Variants in CTIF observed in about 807,000 individuals in gnomAD.
The protein encoded by CTIF is cap binding complex dependent translation initiation factor.
CTIF carries 21 observed loss-of-function variants against 66.0 expected under a neutral mutation model. That is an observed-to-expected ratio of 0.32 (90% CI 0.23 to 0.46). The LOEUF is 0.46. CTIF is among the 20% of genes least tolerant of loss of function. The probability of loss-of-function intolerance (pLI) is 1.00; values close to 1 mark genes in which losing one functional copy is unlikely to be tolerated. For missense variants in CTIF, 739 were observed against 812.7 expected (o/e 0.91, Z 1.10); for synonymous variants, 345 against 326.4 (o/e 1.06, Z -0.62).
At chr18:48,591,581 A>G (rs912262347) in intron 1 of CTIF, among the ~76,000 whole-genome samples, 2 of 152,236 alleles carry the variant, frequency 1.3e-5, no homozygotes, top group Admixed American at 1.3e-4. Flanking sequence ...CTTAGCTCCC[A>G]GTAGCCACTC....
intron 3 of CTIF, among the ~76,000 whole-genome samples, chr18:48,650,582 T>C (rs1459334763): frequency 6.6e-6 from 1 of 152,166 alleles, no homozygotes; most frequent in Non-Finnish European, 1.5e-5. Flanking sequence ...TTCCCCAACC[T>C]AGCAAGGCAG....
Position 48,843,543 on chromosome 18 carries a change from C to G in CTIF, c.1528-14045C>G, listed in dbSNP as rs2146564003. On this transcript the variant is annotated intron_variant, in intron 10 of 11. Coordinates refer to ENST00000256413, the MANE Select transcript of CTIF (RefSeq NM_014772.3). ...CCCAGCCCCTAGATGGCCCTGAGGCCCCATTTATAATGGGGGCCCTGAGGC... is the reference window on the plus strand; with the variant it reads ...CCCAGCCCCTAGATGGCCCTGAGGCGCCATTTATAATGGGGGCCCTGAGGC... 2.0e-5 allele frequency among the ~76,000 whole-genome samples: 3 copies of G among 152,204 alleles called. No homozygotes were observed. The South Asian group carries it at 6.2e-4, about 32-fold the overall frequency.
At chr18:48,769,059 G>T (rs1030864359) in intron 9 of CTIF, among the ~76,000 whole-genome samples, 4 of 152,034 alleles carry the variant, frequency 2.6e-5, no homozygotes, top group African/African-American at 9.7e-5. Context: ...CTCTCCATTC[G>T]CCCTAGTCCC....
chr18:48,793,668 G>A (rs973599926), intron 9 of CTIF, among the ~76,000 whole-genome samples: 18 of 152,198 alleles, frequency 1.2e-4, no homozygotes, highest in Middle Eastern at 3.4e-3. Context: ...TTAACAATTA[G>A]CCCAGCTCAA....
chr18:48,821,273 G>A (rs1441442217), intron 10 of CTIF, among the ~76,000 whole-genome samples: 5 of 152,322 alleles, frequency 3.3e-5, no homozygotes, highest in East Asian at 3.9e-4. Context: ...GTTCAGTAAC[G>A]GTAGCAGCAC....
rs141937093 is a variant in CTIF, at chr18:48,838,436, G to A, written c.1528-19152G>A. ...GCCGCCTGGAAGATGTCTCACCTGG[G>A]TCCTTGCACAGGCAGATACTGGAGA... On this transcript the variant is annotated intron_variant, in intron 10 of 11. Coordinates refer to ENST00000256413, the MANE Select transcript of CTIF (RefSeq NM_014772.3). Among the ~76,000 whole-genome samples the A allele has an allele frequency of 2.3e-3, 357 of 152,228 alleles. 2 individuals carry two copies. The highest frequency in any genetic ancestry group is 8.2e-3 in the African/African-American group (341 of 41,532).
chr18:48,782,515 C>T (rs1435200249), intron 9 of CTIF, among the ~76,000 whole-genome samples: 2 of 152,194 alleles, frequency 1.3e-5, no homozygotes, highest in African/African-American at 4.8e-5. Flanking sequence ...AGACTGTGAG[C>T]GGGAGAGAAG....
rs762340476 is a variant in CTIF, at chr18:48,758,077, G to A, written c.743G>A (p.Arg248Gln). The A allele has an allele frequency of 4.3e-6, 7 of 1,614,054 alleles. No homozygotes were observed. Among genetic ancestry groups the A allele is most frequent in the Admixed American group, 1.7e-5 (1 of 60,022 alleles). ...RPTHHGYSQN[R>Q]RWHHGNMKHP... ...ACTCACCATGGCTACAGCCAGAACC[G>A]GCGCTGGCACCATGGCAACATGAAG... The change falls in exon 8 of 12, where the codon CGG (arginine) becomes CAG (glutamine). Residue 248 changes from arginine to glutamine, a missense_variant. Arg to Gln is a conservative substitution (Grantham distance 43). Transcript: ENST00000256413.
intron 10 of CTIF, chr18:48,826,718 G>A (rs1362761668): frequency 2.0e-5 from 3 of 152,202 alleles, no homozygotes; most frequent in Non-Finnish European, 2.9e-5. Context: ...CATGTTGCTC[G>A]GAGTCTGTGC....
intron 6 of CTIF, among the ~76,000 whole-genome samples, chr18:48,671,831 G>T (rs571705590): frequency 5.7e-4 from 85 of 148,548 alleles, no homozygotes; most frequent in Non-Finnish European, 9.1e-4. Flanking sequence ...TTTACTCTCT[G>T]TGTTTCATTT....
intron 1 of CTIF, among the ~76,000 whole-genome samples, chr18:48,576,622 C>A (rs530462953): frequency 1.3e-5 from 2 of 152,322 alleles, no homozygotes; most frequent in South Asian, 4.1e-4. Flanking sequence ...GGGGCGTAAC[C>A]GTTTAATTGC....
chr18:48,842,383 A>G (rs757528795), intron 10 of CTIF, among the ~76,000 whole-genome samples: 15 of 152,070 alleles, frequency 9.9e-5, no homozygotes, highest in Non-Finnish European at 1.6e-4. Flanking sequence ...GTTTCATAGA[A>G]CGCAGGCCTG....
chr18:48,773,461 A>G (rs1038500459), intron 9 of CTIF, among the ~76,000 whole-genome samples: 2 of 152,158 alleles, frequency 1.3e-5, no homozygotes, highest in African/African-American at 4.8e-5. Flanking sequence ...GAACTGTGGC[A>G]TTTCCACCAC....
At chr18:48,786,826 A>G (rs1281295779) in intron 9 of CTIF, among the ~76,000 whole-genome samples, 1 of 150,988 alleles carries the variant, frequency 6.6e-6, no homozygotes, top group African/African-American at 2.4e-5. Context: ...CTCCTCTCCC[A>G]CCATGGTCAT....
chr18:48,665,720 C>T (rs1458715201), intron 5 of CTIF, among the ~76,000 whole-genome samples: 2 of 152,214 alleles, frequency 1.3e-5, no homozygotes, highest in African/African-American at 2.4e-5. Context: ...CTTACAGAAA[C>T]AGTCATATGT....
chr18:48,672,792 C>T (rs1438371365), intron 6 of CTIF, among the ~76,000 whole-genome samples: 3 of 152,166 alleles, frequency 2.0e-5, no homozygotes, highest in East Asian at 1.9e-4. Context: ...GGCCCAGACC[C>T]CCATCTCCGG....
At chr18:48,712,105 C>G (rs1412646241) in intron 7 of CTIF, among the ~76,000 whole-genome samples, 1 of 152,158 alleles carries the variant, frequency 6.6e-6, no homozygotes, top group African/African-American at 2.4e-5. Flanking sequence ...CTCACAAGTG[C>G]AAGAGTATCT....
chr18:48,731,736 A>T (rs1239744513), intron 7 of CTIF, among the ~76,000 whole-genome samples: 1 of 152,234 alleles, frequency 6.6e-6, no homozygotes, highest in Non-Finnish European at 1.5e-5. Flanking sequence ...CAGTGACTTC[A>T]TTCCCGCTTA....
At chr18:48,568,127 GAAAA>G (rs549191893) in intron 1 of CTIF, 1 of 148,624 alleles carries the variant, frequency 6.7e-6, no homozygotes, top group South Asian at 2.1e-4. Flanking sequence ...AATGCTTTAG[GAAAA>G]AAAAAAGTAA....
Sources: gnomAD v4.1 joint callset for allele counts (sites outside exome capture counted in the v4.1 genomes callset) on GRCh38, gnomAD v4.1.1 for gene constraint, MANE v1.5 for transcripts, NCBI Gene and HGNC (gene_info 2026-07-23, HGNC 2026-07-21) for gene names.